HTR2C: variants seen among roughly 807,000 people sequenced by gnomAD.
HTR2C encodes 5-hydroxytryptamine (serotonin) receptor 2C, G protein-coupled.
Under a neutral mutation model 21.0 loss-of-function variants are expected in HTR2C, and 5 were observed. The ratio of observed to expected loss-of-function variants is 0.24; its 90% confidence interval spans 0.12 to 0.50. The LOEUF (loss-of-function observed/expected upper bound fraction) is 0.50, where lower values mean the gene tolerates loss of function less well. Among genes scored for constraint, HTR2C ranks in the 20% least tolerant of loss-of-function variants. HTR2C has a pLI of 0.98. For missense variants in HTR2C, 271 were observed against 371.2 expected (o/e 0.73, Z 2.22); for synonymous variants, 150 against 145.3 (o/e 1.03, Z -0.23).
At chrX:114,738,850 C>CT (rs1479635382) in intron 4 of HTR2C, among the ~76,000 whole-genome samples, 7 of 110,563 alleles carry the variant, frequency 6.3e-5, no homozygotes, top group African/African-American at 2.3e-4. Flanking sequence ...GGTGGTCACA[C>CT]TATTATTCTA....
At chrX:114,593,972 C>T (rs1242960086) in intron 1 of HTR2C, among the ~76,000 whole-genome samples, 1 of 111,849 alleles carries the variant, frequency 8.9e-6, no homozygotes, top group African/African-American at 3.2e-5. Flanking sequence ...TCCATTCACT[C>T]CAGTGCCCTA....
intron 2 of HTR2C, among the ~76,000 whole-genome samples, chrX:114,647,157 T>C (rs1417518915): frequency 1.8e-5 from 2 of 111,167 alleles, no homozygotes; most frequent in African/African-American, 3.3e-5. Flanking sequence ...GTTCTAAGAA[T>C]CTTATTGCAC....
intron 4 of HTR2C, among the ~76,000 whole-genome samples, chrX:114,814,909 T>C (rs1234900109): frequency 1.9e-5 from 2 of 102,770 alleles, no homozygotes; most frequent in Non-Finnish European, 3.9e-5. Context: ...TTATATAGTA[T>C]ATATCATATA....
chrX:114,806,936 TGTATATACC>T (rs1262548762), intron 4 of HTR2C, among the ~76,000 whole-genome samples: 1 of 91,551 alleles, frequency 1.1e-5, no homozygotes, highest in African/African-American at 3.9e-5. Context: ...ATATACCATA[TGTATATACC>T]ATATATACCA....
chrX:114,682,865 C>G (rs956617412), intron 2 of HTR2C, among the ~76,000 whole-genome samples: 1 of 111,720 alleles, frequency 9.0e-6, no homozygotes, highest in African/African-American at 3.3e-5. Flanking sequence ...ATGCATATAA[C>G]TACTTGAAAA....
intron 5 of HTR2C, among the ~76,000 whole-genome samples, chrX:114,882,276 A>G (rs782350834): frequency 4.5e-5 from 5 of 110,640 alleles, no homozygotes; most frequent in Non-Finnish European, 7.6e-5. Context: ...TATATACAAG[A>G]CATGTCATCT....
At chrX:114,892,050 T>G (rs782163629) in intron 5 of HTR2C, among the ~76,000 whole-genome samples, 4 of 111,602 alleles carry the variant, frequency 3.6e-5, no homozygotes, top group Non-Finnish European at 7.5e-5. Context: ...CATGATATAC[T>G]TTTTATATAT....
intron 2 of HTR2C, among the ~76,000 whole-genome samples, chrX:114,618,130 C>T (rs998953794): frequency 6.2e-5 from 7 of 112,018 alleles, no homozygotes; most frequent in Non-Finnish European, 9.4e-5. Context: ...AACTGATTAT[C>T]GTAATTAATA....
intron 1 of HTR2C, among the ~76,000 whole-genome samples, chrX:114,602,132 T>C (rs1227754931): frequency 7.5e-5 from 3 of 40,053 alleles, no homozygotes; most frequent in African/African-American, 2.5e-4. Context: ...TTTATTTACT[T>C]CAAGAGTTAA....
chrX:114,831,201 G>A (rs2070723355), intron 4 of HTR2C, among the ~76,000 whole-genome samples: 1 of 97,605 alleles, frequency 1.0e-5, no homozygotes. Flanking sequence ...AGAGTTCTTT[G>A]GGTATATACC....
Position 114,678,092 on chromosome X carries a change from T to C in HTR2C, c.-79-48766T>C, listed in dbSNP as rs1046021675. Among the ~76,000 whole-genome samples, 6 of 111,740 alleles carry C rather than the reference T, an allele frequency of 5.4e-5. No homozygotes were observed. In the East Asian group the frequency reaches 1.1e-3, roughly 21 times the overall value. ...TTCTTCTCTCCTCTTTCCTGTGCTTTGAATTATTTTTGGACCCCAGCATAA... is the reference window on the plus strand; with the variant it reads ...TTCTTCTCTCCTCTTTCCTGTGCTTCGAATTATTTTTGGACCCCAGCATAA... On this transcript the variant is annotated intron_variant, in intron 2 of 5. Transcript: ENST00000276198.
intron 1 of HTR2C, among the ~76,000 whole-genome samples, chrX:114,604,703 TAGG>T: frequency 9.0e-6 from 1 of 110,788 alleles, no homozygotes; most frequent in East Asian, 2.9e-4. Flanking sequence ...GGACACGGCT[TAGG>T]AGGAATCCTG....
chrX:114,866,363 T>TTATA (rs202048736), intron 5 of HTR2C, among the ~76,000 whole-genome samples: 1 of 108,172 alleles, frequency 9.2e-6, no homozygotes, highest in Non-Finnish European at 1.9e-5. Context: ...TAAGGTTTAA[T>TTATA]TATATATATA....
chrX:114,812,846 T>G (rs2070548408), intron 4 of HTR2C, among the ~76,000 whole-genome samples: 1 of 112,021 alleles, frequency 8.9e-6, no homozygotes, highest in African/African-American at 3.2e-5. Flanking sequence ...AGTTTTCCTC[T>G]GAGTAATACC....
chrX:114,844,578 G>GAT (rs1556466720), intron 4 of HTR2C, among the ~76,000 whole-genome samples: 1 of 111,853 alleles, frequency 8.9e-6, no homozygotes, highest in Non-Finnish European at 1.9e-5. Flanking sequence ...TAGCAAAATG[G>GAT]ATAAAAATAC....
chrX:114,649,601 TTTG>T (rs1199220630), intron 2 of HTR2C, among the ~76,000 whole-genome samples: 14 of 111,253 alleles, frequency 1.3e-4, no homozygotes, highest in African/African-American at 3.6e-4. Flanking sequence ...TTTATTTATT[TTTG>T]TTGTTGTTGT....
Position 114,907,170 on chromosome X carries a change from G to T in HTR2C, c.1132G>T (p.Ala378Ser). 1 of 1,210,658 alleles carries T rather than the reference G, an allele frequency of 8.3e-7. No individual in the cohort carries two copies. Among genetic ancestry groups the T allele is most frequent in the Non-Finnish European group, 1.1e-6 (1 of 894,728 alleles). The change falls in exon 6 of 6, where the codon GCA (alanine) becomes TCA (serine). Residue 378 changes from alanine to serine, a missense_variant. Ala to Ser is a moderately conservative substitution (Grantham distance 99, BLOSUM62 1). This residue lies in a region of HTR2C where 192 missense variants were observed against 247.2 expected (regional missense o/e 0.78). Transcript: ENST00000276198. ...YTLFNKIYRR[A>S]FSNYLRCNYK... ...TCTGTTCAACAAAATTTACCGAAGG[G>T]CATTCTCCAACTATTTGCGTTGCAA...
chrX:114,717,132 TG>T (rs1933015737), intron 2 of HTR2C, among the ~76,000 whole-genome samples: 1 of 111,133 alleles, frequency 9.0e-6, no homozygotes, highest in Non-Finnish European at 1.9e-5. Flanking sequence ...AGTAGAATGA[TG>T]TGATCAGGGC....
rs2070058468 is a variant in HTR2C, at chrX:114,776,500, G to C, written c.349+44893G>C. 4 of 551,770 alleles carry C rather than the reference G, an allele frequency of 7.2e-6. No homozygotes were observed. In the African/African-American group the frequency reaches 9.1e-5, roughly 13 times the overall value. The allele number at this position is 551,770 out of a possible 1,213,427, so 45.5% of individuals were successfully genotyped here. A position where few individuals can be genotyped will look rare whatever the true frequency, so the allele number is the denominator to read the frequency against. ...GCCTGTCAGTATCATTCACCATCAT[G>C]AAGGGCCAATGCTTCATATCAGACT... On this transcript the variant is annotated intron_variant, in intron 4 of 5. Transcript: ENST00000276198.
Sources: allele counts gnomAD v4.1 joint callset (sites outside exome capture counted in the v4.1 genomes callset), GRCh38; gene constraint gnomAD v4.1.1; regional missense constraint gnomAD v4.1.1; transcripts MANE v1.5; gene names NCBI Gene and HGNC (gene_info 2026-07-23, HGNC 2026-07-21).